Variants in CPXM2 observed in about 807,000 individuals in gnomAD.
The protein encoded by CPXM2 is carboxypeptidase X, M14 family member 2.
Under a neutral mutation model 86.1 loss-of-function variants are expected in CPXM2, and 66 were observed. The ratio of observed to expected loss-of-function variants is 0.77; its 90% confidence interval spans 0.63 to 0.94. The LOEUF (loss-of-function observed/expected upper bound fraction) is 0.94. Among genes scored for constraint, CPXM2 ranks in the 40% least tolerant of loss-of-function variants. The pLI is 0.00. For missense variants in CPXM2, 948 were observed against 1,026.3 expected, an observed-to-expected ratio of 0.92 and a Z score of 1.04; for synonymous variants, 388 against 400.2, an observed-to-expected ratio of 0.97 and a Z score of 0.36.
intron 6 of CPXM2, among the ~76,000 whole-genome samples, chr10:123,781,665 C>T (rs1161510821): frequency 2.0e-5 from 3 of 152,166 alleles, no homozygotes; most frequent in Non-Finnish European, 2.9e-5. Context: ...TGTGGAGCAG[C>T]GAGGCCAGAT....
At chr10:123,867,614 C>T (rs539364329) in intron 2 of CPXM2, among the ~76,000 whole-genome samples, 2 of 149,330 alleles carry the variant, frequency 1.3e-5, no homozygotes, top group Non-Finnish European at 3.0e-5. Flanking sequence ...CTCACCGCAA[C>T]CTCCACCTCC....
chr10:123,915,811 G>A (rs1179414154), intron 2 of CPXM2, among the ~76,000 whole-genome samples: 2 of 152,170 alleles, frequency 1.3e-5, no homozygotes, highest in Non-Finnish European at 2.9e-5. Context: ...CCGAGAAAGT[G>A]CTCTATGAAC....
chr10:123,816,304 G>C (rs1048983889), intron 4 of CPXM2, among the ~76,000 whole-genome samples: 1 of 152,174 alleles, frequency 6.6e-6, no homozygotes, highest in African/African-American at 2.4e-5. Context: ...TTAGAAGCTG[G>C]CAGAACCCCC....
At chr10:123,825,054 G>A (rs959569538) in intron 4 of CPXM2, among the ~76,000 whole-genome samples, 10 of 152,154 alleles carry the variant, frequency 6.6e-5, no homozygotes, top group African/African-American at 1.9e-4. Context: ...CGGAAATTCC[G>A]AAAAGACCAG....
chr10:123,800,763 C>T (rs1038950939), intron 4 of CPXM2, among the ~76,000 whole-genome samples: 2 of 142,538 alleles, frequency 1.4e-5, no homozygotes, highest in Non-Finnish European at 3.1e-5. Flanking sequence ...AAATGAAAGC[C>T]AAGTCATAAT....
chr10:123,842,909 G>A (rs774142626), intron 3 of CPXM2, among the ~76,000 whole-genome samples: 14 of 152,278 alleles, frequency 9.2e-5, no homozygotes, highest in Non-Finnish European at 2.1e-4. Context: ...AGTGGGGCCG[G>A]TGCTATTTCA....
chr10:123,786,568 A>G (rs556144589), intron 6 of CPXM2, among the ~76,000 whole-genome samples: 1 of 152,302 alleles, frequency 6.6e-6, no homozygotes. Context: ...TAAGCCCCCA[A>G]CTGATGGAAT....
intron 1 of CPXM2, among the ~76,000 whole-genome samples, chr10:123,939,951 G>A (rs1335988876): frequency 6.6e-6 from 1 of 152,204 alleles, no homozygotes; most frequent in Non-Finnish European, 1.5e-5. Context: ...GCAGAGCTGG[G>A]TAGGGGCATC....
At chr10:123,831,395 C>T (rs1590046025) in intron 4 of CPXM2, among the ~76,000 whole-genome samples, 2 of 152,326 alleles carry the variant, frequency 1.3e-5, no homozygotes, top group Admixed American at 6.5e-5. Context: ...CAGCTGGGAG[C>T]TCCAGGACCC....
intron 2 of CPXM2, among the ~76,000 whole-genome samples, chr10:123,877,987 C>T (rs1368862533): frequency 6.6e-6 from 1 of 152,156 alleles, no homozygotes; most frequent in African/African-American, 2.4e-5. Flanking sequence ...ATCTGCTCTG[C>T]CTGCCACCTT....
intron 2 of CPXM2, among the ~76,000 whole-genome samples, chr10:123,911,765 G>A (rs73368731): frequency 0.048 from 7,343 of 151,946 alleles, 589 homozygotes; most frequent in African/African-American, 0.16. Flanking sequence ...CTGATTACAG[G>A]TGCCACCCAT....
At chr10:123,758,719 T>C (rs1332486226) in intron 11 of CPXM2, among the ~76,000 whole-genome samples, 1 of 152,208 alleles carries the variant, frequency 6.6e-6, no homozygotes, top group African/African-American at 2.4e-5. Flanking sequence ...CCAGCATTTC[T>C]GTTTTTGAAC....
chr10:123,824,334 G>A (rs148370461), intron 4 of CPXM2, among the ~76,000 whole-genome samples: 573 of 152,244 alleles, frequency 3.8e-3, no homozygotes, highest in Non-Finnish European at 6.5e-3. Flanking sequence ...TATTAGAAAA[G>A]AAGAAAAATA....
At chr10:123,839,511 G>A (rs956495738) in intron 4 of CPXM2, among the ~76,000 whole-genome samples, 9 of 152,090 alleles carry the variant, frequency 5.9e-5, no homozygotes, top group Admixed American at 1.3e-4. Context: ...GTAAGGTCCC[G>A]GGAATAATGA....
intron 4 of CPXM2, among the ~76,000 whole-genome samples, chr10:123,802,595 G>A (rs1329183269): frequency 6.6e-6 from 1 of 152,226 alleles, no homozygotes; most frequent in African/African-American, 2.4e-5. Context: ...TTATTAGGAA[G>A]AGTGCTTCTG....
chr10:123,928,077 C>CA (rs1372237972), intron 2 of CPXM2, among the ~76,000 whole-genome samples: 5 of 152,214 alleles, frequency 3.3e-5, no homozygotes, highest in Non-Finnish European at 7.3e-5. Context: ...CTGGGGCACC[C>CA]ACTCCCCTCC....
At chr10:123,836,291 C>T (rs1359598720) in intron 4 of CPXM2, among the ~76,000 whole-genome samples, 2 of 152,034 alleles carry the variant, frequency 1.3e-5, no homozygotes, top group East Asian at 1.9e-4. Flanking sequence ...CACTGTCTTC[C>T]CCTGCCAATC....
intron 13 of CPXM2, chr10:123,750,705 G>C: frequency 1.0e-6 from 1 of 985,240 alleles, no homozygotes; most frequent in Non-Finnish European, 1.2e-6. Flanking sequence ...CAATAAGAAA[G>C]GTCAAAAGAA....
intron 2 of CPXM2, among the ~76,000 whole-genome samples, chr10:123,936,379 G>A (rs913682348): frequency 3.9e-5 from 6 of 152,208 alleles, no homozygotes; most frequent in African/African-American, 1.4e-4. Context: ...AATGATTCCA[G>A]AAGATTCCAG....
Sources: allele counts gnomAD v4.1 joint callset (sites outside exome capture counted in the v4.1 genomes callset), GRCh38; gene constraint gnomAD v4.1.1; transcripts MANE v1.5; gene names NCBI Gene and HGNC (gene_info 2026-07-23, HGNC 2026-07-21).